Variants in YTHDC2 observed in about 807,000 individuals in gnomAD.
YTHDC2 encodes the protein 3'-5' RNA helicase YTHDC2.
A neutral mutation model predicts 174.9 loss-of-function variants in YTHDC2; 45 were observed. The ratio of observed to expected loss-of-function variants is 0.26; its 90% CI spans 0.20 to 0.33. The LOEUF is 0.33. Ranked by LOEUF, YTHDC2 falls within the 10% of genes least tolerant of loss-of-function variation. The pLI is 1.00. For synonymous variants in YTHDC2, 657 were observed against 574.5 expected, an observed-to-expected ratio of 1.14 and a Z score of -2.05; for missense variants, 1,650 against 1,723.7, an observed-to-expected ratio of 0.96 and a Z score of 0.76.
At chr5:113,529,474 CT>C (rs1481312467) in intron 4 of YTHDC2, among the ~76,000 whole-genome samples, 1 of 152,094 alleles carries the variant, frequency 6.6e-6, no homozygotes, top group East Asian at 1.9e-4. Context: ...TTCCATCACT[CT>C]AAAAAAGAGT....
chr5:113,586,386 G>A (rs566174215), intron 26 of YTHDC2, among the ~76,000 whole-genome samples: 1 of 152,016 alleles, frequency 6.6e-6, no homozygotes, highest in South Asian at 2.1e-4. Context: ...TGAGTTGTAA[G>A]AGTTTTCTGT....
At chr5:113,590,727 T>C (rs1219814752) in intron 26 of YTHDC2, among the ~76,000 whole-genome samples, 5 of 152,214 alleles carry the variant, frequency 3.3e-5, no homozygotes. Flanking sequence ...TGGAGAAGTA[T>C]TTGTTTTGTT....
At chr5:113,548,765 G>C in intron 11 of YTHDC2, 98 bp downstream of exon 11, 2 of 1,319,992 alleles carry the variant, frequency 1.5e-6, no homozygotes, top group South Asian at 3.8e-5. Flanking sequence ...AAACTATTGT[G>C]TAATAATTGC....
At chr5:113,570,579 G>A (rs1460860896) in intron 23 of YTHDC2, among the ~76,000 whole-genome samples, 1 of 152,074 alleles carries the variant, frequency 6.6e-6, no homozygotes, top group African/African-American at 2.4e-5. Context: ...CTGAGATAAT[G>A]GGTTTTCTAG....
chr5:113,585,026 C>T (rs144209216), intron 26 of YTHDC2, among the ~76,000 whole-genome samples: 2 of 151,596 alleles, frequency 1.3e-5, no homozygotes, highest in East Asian at 3.9e-4. Flanking sequence ...AGTGATCTTC[C>T]CATCTCAGCC....
chr5:113,543,019 C>T (rs1296419662), intron 10 of YTHDC2, among the ~76,000 whole-genome samples: 1 of 151,970 alleles, frequency 6.6e-6, no homozygotes, highest in Non-Finnish European at 1.5e-5. Context: ...TTTTTCTGAC[C>T]TGTAAATATG....
intron 28 of YTHDC2, 98 bp downstream of exon 28, chr5:113,592,276 T>A (rs1779049870): frequency 8.3e-7 from 1 of 1,204,676 alleles, no homozygotes; most frequent in Non-Finnish European, 1.1e-6. Context: ...GTACAAATTT[T>A]ATATTCCATA....
intron 18 of YTHDC2, among the ~76,000 whole-genome samples, chr5:113,562,715 C>T (rs1309752659): frequency 1.3e-5 from 2 of 152,126 alleles, no homozygotes; most frequent in African/African-American, 4.8e-5. Context: ...TATAGTTACT[C>T]CTACTCAATC....
At chr5:113,565,860 G>A in intron 20 of YTHDC2, 33 bp from the exon 21 acceptor site, 2 of 1,597,558 alleles carry the variant, frequency 1.3e-6, no homozygotes, top group Non-Finnish European at 1.7e-6. Flanking sequence ...ATTAGTAAAT[G>A]TGTCTTGTTA....
intron 3 of YTHDC2, among the ~76,000 whole-genome samples, chr5:113,526,203 A>G (rs1483010793): frequency 2.0e-5 from 3 of 152,102 alleles, no homozygotes; most frequent in African/African-American, 7.2e-5. Flanking sequence ...TTAATTTTCC[A>G]TGAAATTATT....
chr5:113,540,002 A>G (rs1362298852), intron 8 of YTHDC2, among the ~76,000 whole-genome samples: 1 of 152,138 alleles, frequency 6.6e-6, no homozygotes, highest in Non-Finnish European at 1.5e-5. Context: ...CCTCATCTCA[A>G]GGGATCCTCC....
chr5:113,542,476 C>G lies in YTHDC2; in HGVS notation c.1468C>G (p.His490Asp). 6.2e-7 allele frequency: 1 copy of G among 1,606,584 alleles called. No individual in the cohort carries two copies. The highest frequency in any genetic ancestry group is 8.5e-7 in the Non-Finnish European group (1 of 1,177,980). ...TATTGATGCCTTTGCTCAGGTCTTT[C>G]ATCTCATTTTAACTGAAAATGTTAG... ...KDIDAFAQVF[H>D]LILTENVSVD... Residue 490 changes from histidine (H) to aspartate (D), a missense_variant, in exon 10 of 30, where the codon CAT becomes GAT. By Grantham distance (81) the His-to-Asp change is moderately conservative. This residue lies in a region of YTHDC2 where 411 missense variants were observed against 380.6 expected (regional missense o/e 1.08). Coordinates refer to ENST00000161863, the MANE Select transcript of YTHDC2 (RefSeq NM_022828.5).
At chr5:113,567,621 A>ATT (rs1777433650) in intron 22 of YTHDC2, 33 bp from the exon 23 acceptor site, 1 of 1,514,176 alleles carries the variant, frequency 6.6e-7, no homozygotes, top group Non-Finnish European at 8.9e-7. Flanking sequence ...GATAAACACA[A>ATT]TTAACAATTT....
chr5:113,522,640 A>G (rs372130981), intron 2 of YTHDC2, among the ~76,000 whole-genome samples: 1 of 152,160 alleles, frequency 6.6e-6, no homozygotes, highest in African/African-American at 2.4e-5. Flanking sequence ...TCATCAAACC[A>G]TAGTTTCGGT....
chr5:113,576,702 T>G (rs905668583), intron 23 of YTHDC2, among the ~76,000 whole-genome samples: 11 of 152,268 alleles, frequency 7.2e-5, no homozygotes, highest in African/African-American at 2.6e-4. Context: ...AGTTGAGTTG[T>G]TTTTTTCATC....
intron 26 of YTHDC2, among the ~76,000 whole-genome samples, chr5:113,586,186 A>C (rs1329640038): frequency 6.6e-6 from 1 of 152,002 alleles, no homozygotes; most frequent in Non-Finnish European, 1.5e-5. Flanking sequence ...TAGCTTTTGT[A>C]ATTTTAGCCA....
rs761240533 is a variant in YTHDC2, at chr5:113,594,061, G to C, written c.*587G>C. 6.6e-6 allele frequency: 1 copy of C among 152,108 alleles called. No homozygotes were observed. The highest frequency in any genetic ancestry group is 6.6e-5 in the Admixed American group (1 of 15,248). The allele number at this position is 152,108 out of a possible 1,614,324, so 9.4% of individuals were successfully genotyped here. ...TTGAGACACATTTAAGAATAAAGTT[G>C]GATGTTCTTTTTCTGTGATTATGAA... On this transcript the variant is annotated 3_prime_UTR_variant, in exon 30 of 30. Coordinates refer to ENST00000161863, the MANE Select transcript of YTHDC2 (RefSeq NM_022828.5).
chr5:113,517,119 C>T (rs1022496339), intron 2 of YTHDC2, among the ~76,000 whole-genome samples: 1 of 152,128 alleles, frequency 6.6e-6, no homozygotes, highest in East Asian at 1.9e-4. Context: ...GTATAATCTA[C>T]CTAATAAAAT....
At chr5:113,592,283 CAT>C (rs1779050722) in intron 28 of YTHDC2, 105 bp downstream of exon 28, 1 of 1,142,056 alleles carries the variant, frequency 8.8e-7, no homozygotes, top group East Asian at 2.7e-5. Flanking sequence ...TTTTATATTC[CAT>C]ATGCACATGG....
Sources: gnomAD v4.1 joint callset for allele counts (sites outside exome capture counted in the v4.1 genomes callset) on GRCh38, gnomAD v4.1.1 for gene constraint, gnomAD v4.1.1 regional missense constraint, MANE v1.5 for transcripts, NCBI Gene and HGNC (gene_info 2026-07-23, HGNC 2026-07-21) for gene names.